KAZN: variants seen among roughly 807,000 people sequenced by gnomAD.
KAZN encodes kazrin, periplakin interacting protein, also known as kazrin.
A neutral mutation model predicts 87.4 loss-of-function variants in KAZN; 40 were observed. The ratio of observed to expected loss-of-function variants is 0.46; its 90% CI spans 0.36 to 0.60. The LOEUF (loss-of-function observed/expected upper bound fraction) is 0.60, where lower values mean the gene tolerates loss of function less well. Ranked by LOEUF, KAZN falls within the 20% of genes least tolerant of loss-of-function variation. KAZN has a pLI of 0.00. For missense variants in KAZN, 898 were observed against 1,073.9 expected, an observed-to-expected ratio of 0.84 and a Z score of 2.29; for synonymous variants, 466 against 458.3, an observed-to-expected ratio of 1.02 and a Z score of -0.22.
intron 2 of KAZN, among the ~76,000 whole-genome samples, chr1:14,314,244 G>A (rs1400254315): frequency 6.6e-6 from 1 of 152,134 alleles, no homozygotes; most frequent in African/African-American, 2.4e-5. Flanking sequence ...TCTCCACTTT[G>A]ACCTGATCTT....
At chr1:14,578,176 A>G (rs757397050) in intron 2 of KAZN, among the ~76,000 whole-genome samples, 6 of 152,094 alleles carry the variant, frequency 3.9e-5, no homozygotes, top group Non-Finnish European at 5.9e-5. Flanking sequence ...CAAAATTTCC[A>G]TTAATTACTT....
intron 2 of KAZN, among the ~76,000 whole-genome samples, chr1:14,515,061 C>G (rs903871881): frequency 6.6e-6 from 1 of 152,134 alleles, no homozygotes; most frequent in Non-Finnish European, 1.5e-5. Context: ...ACCTTTGTCC[C>G]CATGTACCCA....
intron 2 of KAZN, among the ~76,000 whole-genome samples, chr1:14,386,146 T>C (rs1661866611): frequency 6.8e-6 from 1 of 146,854 alleles, no homozygotes; most frequent in Non-Finnish European, 1.5e-5. Flanking sequence ...CCCTGCCTTT[T>C]TTTGTTTTCC....
In KAZN at chr1:14,363,967, A is replaced by ATT. The variant is rs34042579; in HGVS notation, c.249+183391_249+183392dup. ...CCTTATCAGAGCCTTTACTCACAAT[A>ATT]TTTTTTTTTTTTTTTTTAATTTGGA... On this transcript the variant is annotated intron_variant, in intron 2 of 16. Coordinates refer to the KAZN transcript ENST00000636203. 6.6e-3 allele frequency among the ~76,000 whole-genome samples: 965 copies of ATT among 145,856 alleles called. 11 individuals are homozygous for ATT. The highest frequency in any genetic ancestry group is 0.023 in the African/African-American group (911 of 39,760).
intron 1 of KAZN, among the ~76,000 whole-genome samples, chr1:14,077,020 C>T (rs1643487132): frequency 6.6e-6 from 1 of 152,088 alleles, no homozygotes; most frequent in Admixed American, 6.6e-5. Context: ...CTTTAGGGTC[C>T]CCGTTCTCAG....
At chr1:14,770,199 G>A (rs1644985695) in intron 1 of KAZN, among the ~76,000 whole-genome samples, 1 of 152,172 alleles carries the variant, frequency 6.6e-6, no homozygotes, top group African/African-American at 2.4e-5. Context: ...GCCATAGAAG[G>A]TTTTAAACAG....
intron 2 of KAZN, among the ~76,000 whole-genome samples, chr1:14,257,960 A>AAAT: frequency 1.4e-5 from 1 of 69,100 alleles, no homozygotes; most frequent in African/African-American, 7.5e-5. Flanking sequence ...AAAAAACATT[A>AAAT]AAAAAAAAAA....
At chr1:14,234,621 A>AT (rs1338478220) in intron 2 of KAZN, among the ~76,000 whole-genome samples, 1 of 152,302 alleles carries the variant, frequency 6.6e-6, no homozygotes, top group Admixed American at 6.5e-5. Context: ...CCAATTGAAC[A>AT]TGAAGATCTG....
intron 1 of KAZN, among the ~76,000 whole-genome samples, chr1:14,901,476 G>C (rs1655887703): frequency 6.6e-6 from 1 of 152,086 alleles, no homozygotes; most frequent in Non-Finnish European, 1.5e-5. Flanking sequence ...CCCAGGCAGG[G>C]GAGTCACATG....
intron 2 of KAZN, among the ~76,000 whole-genome samples, chr1:14,288,122 A>T (rs1356870073): frequency 1.3e-5 from 2 of 152,128 alleles, no homozygotes; most frequent in Admixed American, 1.3e-4. Context: ...TTCATCAGGG[A>T]TATTGGTGTA....
chr1:14,356,908 G>A (rs1435023556), intron 2 of KAZN, among the ~76,000 whole-genome samples: 2 of 152,098 alleles, frequency 1.3e-5, no homozygotes, highest in Admixed American at 1.3e-4. Flanking sequence ...TGACTATACG[G>A]GCTCTTTTTT....
chr1:14,063,336 A>G, intron 1 of KAZN, among the ~76,000 whole-genome samples: 1 of 152,302 alleles, frequency 6.6e-6, no homozygotes, highest in South Asian at 2.1e-4. Flanking sequence ...AATAATTATA[A>G]TGAAAAAGAA....
At chr1:14,779,461 C>T (rs887999387) in intron 1 of KAZN, among the ~76,000 whole-genome samples, 55 of 152,186 alleles carry the variant, frequency 3.6e-4, no homozygotes, top group African/African-American at 1.3e-3. Context: ...GTGCAGGCCT[C>T]TTGCATGACA....
intron 1 of KAZN, among the ~76,000 whole-genome samples, chr1:14,886,265 A>T (rs1654038940): frequency 6.6e-6 from 1 of 151,978 alleles, no homozygotes; most frequent in Admixed American, 6.6e-5. Context: ...CTACAAAAAG[A>T]TTAAAAAATC....
At chr1:14,538,984 G>A (rs1245902334) in intron 2 of KAZN, among the ~76,000 whole-genome samples, 7 of 152,090 alleles carry the variant, frequency 4.6e-5, no homozygotes, top group Non-Finnish European at 7.4e-5. Context: ...GGAGGTCCTC[G>A]GCACAGTTAT....
intron 2 of KAZN, among the ~76,000 whole-genome samples, chr1:14,976,780 G>C (rs896060584): frequency 5.3e-5 from 8 of 152,158 alleles, no homozygotes; most frequent in African/African-American, 1.9e-4. Context: ...TAGGCAGGGC[G>C]CGGTGGCTCA....
intron 13 of KAZN, among the ~76,000 whole-genome samples, chr1:15,104,502 G>A (rs992905637): frequency 2.0e-5 from 3 of 152,222 alleles, no homozygotes; most frequent in East Asian, 1.9e-4. Context: ...GAAAGGCCAC[G>A]TGCAGGTGGA....
intron 1 of KAZN, among the ~76,000 whole-genome samples, chr1:14,170,354 T>G (rs371212926): frequency 6.6e-6 from 1 of 151,922 alleles, no homozygotes; most frequent in East Asian, 1.9e-4. Flanking sequence ...AAGTTATGAC[T>G]CTTTCACTGG....
chr1:14,556,273 C>G (rs1399215247), intron 2 of KAZN, among the ~76,000 whole-genome samples: 1 of 151,990 alleles, frequency 6.6e-6, no homozygotes, highest in Non-Finnish European at 1.5e-5. Context: ...CCACACCCGG[C>G]TAATTTTTTG....
Sources: allele counts gnomAD v4.1 joint callset (sites outside exome capture counted in the v4.1 genomes callset), GRCh38; gene constraint gnomAD v4.1.1; transcripts MANE v1.5; gene names NCBI Gene and HGNC (gene_info 2026-07-23, HGNC 2026-07-21).